Variants in DROSHA observed in about 807,000 individuals in gnomAD.
DROSHA encodes ribonuclease 3.
Under a neutral mutation model 181.9 loss-of-function variants are expected in DROSHA, and 56 were observed. That is an observed-to-expected ratio of 0.31 (90% CI 0.25 to 0.38). DROSHA has a LOEUF of 0.38. Among genes scored for constraint, DROSHA ranks in the 10% least tolerant of loss-of-function variants. The pLI is 1.00. For synonymous variants in DROSHA, 524 were observed against 591.2 expected (o/e 0.89, Z 1.65); for missense variants, 1,218 against 1,743.5 (o/e 0.70, Z 5.37).
intron 11 of DROSHA, among the ~76,000 whole-genome samples, chr5:31,497,231 G>A (rs1056193873): frequency 6.6e-6 from 1 of 152,076 alleles, no homozygotes; most frequent in Non-Finnish European, 1.5e-5. Flanking sequence ...GTGCCCTTCA[G>A]TGATTGTACA....
chr5:31,424,428 T>TG lies in DROSHA; in HGVS notation c.3259dup (p.Gln1087ProfsTer8), dbSNP rs773556534. 3 of 1,597,914 alleles carry TG rather than the reference T, an allele frequency of 1.9e-6. No individual in the cohort carries two copies. The highest frequency in any genetic ancestry group is 2.6e-6 in the Non-Finnish European group (3 of 1,172,234). ...TGCAGACAGGGAGGTCATACTTACT[T>TG]GGAGTGGGTGGAGAGGATAATTGAG... is the stretch of plus-strand genomic sequence containing the variant. On this transcript the variant is annotated frameshift_variant and splice_region_variant, in exon 28 of 36. Transcript: ENST00000344624. LOFTEE classifies it high-confidence loss of function.
chr5:31,517,400 A>C (rs2150058240), intron 6 of DROSHA, among the ~76,000 whole-genome samples: 1 of 152,256 alleles, frequency 6.6e-6, no homozygotes, highest in South Asian at 2.1e-4. Flanking sequence ...TTAAAAAAAG[A>C]TTTTATATTT....
intron 3 of DROSHA, among the ~76,000 whole-genome samples, chr5:31,529,737 A>AC (rs1399626047): frequency 6.7e-6 from 1 of 149,492 alleles, no homozygotes; most frequent in African/African-American, 2.5e-5. Flanking sequence ...AAACAAACAA[A>AC]AAAAAAAAAA....
chr5:31,451,338 G>A (rs1267326806), intron 21 of DROSHA, among the ~76,000 whole-genome samples, 195 bp downstream of exon 21: 1 of 152,158 alleles, frequency 6.6e-6, no homozygotes, highest in African/African-American at 2.4e-5. Context: ...ATTTCTTTAG[G>A]GACGGTCTCA....
intron 6 of DROSHA, among the ~76,000 whole-genome samples, chr5:31,516,427 A>G (rs1259393210): frequency 6.6e-6 from 1 of 152,218 alleles, no homozygotes; most frequent in Admixed American, 6.5e-5. Context: ...GTAAGTTTAC[A>G]TCCAGATCAA....
intron 25 of DROSHA, among the ~76,000 whole-genome samples, chr5:31,433,297 ATC>A (rs544564289): frequency 1.3e-5 from 2 of 152,216 alleles, no homozygotes; most frequent in Non-Finnish European, 2.9e-5. Context: ...AGCAGAAAAT[ATC>A]TCTTTTTAAA....
At chr5:31,529,488 C>A (rs1057139939) in intron 3 of DROSHA, among the ~76,000 whole-genome samples, 3 of 152,136 alleles carry the variant, frequency 2.0e-5, no homozygotes, top group African/African-American at 7.2e-5. Context: ...GTAATCCCAG[C>A]ACTTTGGGAG....
chr5:31,482,418 TC>T (rs1446898446), intron 16 of DROSHA, among the ~76,000 whole-genome samples: 1 of 151,620 alleles, frequency 6.6e-6, no homozygotes, highest in African/African-American at 2.4e-5. Flanking sequence ...AGAGGGAAGA[TC>T]CAAGTAGATG....
chr5:31,414,990 G>C (rs1741772547), intron 30 of DROSHA, among the ~76,000 whole-genome samples: 1 of 152,218 alleles, frequency 6.6e-6, no homozygotes, highest in South Asian at 2.1e-4. Context: ...TGCAATGTCA[G>C]AGACCAATGT....
intron 23 of DROSHA, among the ~76,000 whole-genome samples, chr5:31,442,479 C>A (rs964379188): frequency 1.3e-5 from 2 of 152,088 alleles, no homozygotes; most frequent in Non-Finnish European, 2.9e-5. Flanking sequence ...GTTTACTGAG[C>A]AGTAAACACT....
chr5:31,428,091 A>G (rs1743699159), intron 27 of DROSHA, among the ~76,000 whole-genome samples: 2 of 152,252 alleles, frequency 1.3e-5, no homozygotes, highest in African/African-American at 4.8e-5. Flanking sequence ...CCAGCATTGC[A>G]CTAGGTACTG....
chr5:31,433,346 T>C (rs1195734844), intron 25 of DROSHA, among the ~76,000 whole-genome samples: 3 of 152,240 alleles, frequency 2.0e-5, no homozygotes, highest in Non-Finnish European at 4.4e-5. Context: ...TACTAGAATA[T>C]GTAAATTTCA....
rs201151813 is a variant in DROSHA at position 31,526,178 on chromosome 5, C to T, written c.755G>A (p.Arg252Gln). Residue 252 changes from arginine (R) to glutamine (Q), a missense_variant, in exon 5 of 36, where the codon CGA becomes CAA. Arg to Gln is a conservative substitution (Grantham distance 43). Transcript: ENST00000344624. The stretch of plus-strand genomic sequence containing the variant: ...TCTTCTCCTGTCGGGACTGCGGCCT[C>T]GCTCCCGCCGATCCAGGGACCGATG... Reference protein sequence around the residue: ...ERHRSLDRRERGRSPDRRRQD... With the variant: ...ERHRSLDRREQGRSPDRRRQD... 1.1e-5 allele frequency: 18 copies of T among 1,613,692 alleles called. No homozygotes were observed. Among genetic ancestry groups the T allele is most frequent in the East Asian group, 2.2e-5 (1 of 44,862 alleles).
chr5:31,404,989 A>G (rs1740471021), intron 35 of DROSHA, among the ~76,000 whole-genome samples: 1 of 152,236 alleles, frequency 6.6e-6, no homozygotes, highest in Admixed American at 6.5e-5. Flanking sequence ...CCCATTTAAT[A>G]AAACAATGGC....
intron 30 of DROSHA, among the ~76,000 whole-genome samples, chr5:31,418,356 G>A (rs111427833): frequency 6.6e-6 from 1 of 152,096 alleles, no homozygotes; most frequent in African/African-American, 2.4e-5. Context: ...TGCAACCACA[G>A]CTCCTGGGCT....
intron 20 of DROSHA, among the ~76,000 whole-genome samples, chr5:31,463,455 T>C (rs904440595): frequency 6.6e-6 from 1 of 152,104 alleles, no homozygotes; most frequent in East Asian, 1.9e-4. Context: ...CATGCTACCA[T>C]CGAAACAGAT....
intron 4 of DROSHA, chr5:31,527,375 T>G: frequency 6.1e-6 from 1 of 163,528 alleles, no homozygotes; most frequent in South Asian, 1.5e-4. Context: ...ACCCTTCACA[T>G]CAGCATTTGA....
intron 35 of DROSHA, among the ~76,000 whole-genome samples, chr5:31,402,303 C>T (rs1444512299): frequency 6.6e-6 from 1 of 152,108 alleles, no homozygotes; most frequent in Non-Finnish European, 1.5e-5. Context: ...ACAGCAGGCC[C>T]CTCATCAGTG....
intron 20 of DROSHA, among the ~76,000 whole-genome samples, 151 bp from the exon 21 acceptor site, chr5:31,451,791 A>C (rs1747070974): frequency 6.6e-6 from 1 of 152,204 alleles, no homozygotes; most frequent in Non-Finnish European, 1.5e-5. Flanking sequence ...ATTCTGGAGA[A>C]TCCTCTGTGA....
Sources: allele counts gnomAD v4.1 joint callset (sites outside exome capture counted in the v4.1 genomes callset), GRCh38; gene constraint gnomAD v4.1.1; transcripts MANE v1.5; gene names NCBI Gene and HGNC (gene_info 2026-07-23, HGNC 2026-07-21).